CTTNBP2: variants seen among roughly 807,000 people sequenced by gnomAD.
CTTNBP2 encodes the protein cortactin binding protein 2.
In CTTNBP2, 108 loss-of-function variants were observed where a neutral mutation model predicts 156.9. That is an observed-to-expected ratio of 0.69 (90% CI 0.59 to 0.81). CTTNBP2 has a LOEUF of 0.81. CTTNBP2 is among the 30% of genes least tolerant of loss of function. The probability of loss-of-function intolerance (pLI) is 0.00; values close to 1 mark genes in which losing one functional copy is unlikely to be tolerated. For synonymous variants in CTTNBP2, 767 were observed against 751.8 expected (o/e 1.02, Z -0.33); for missense variants, 1,924 against 2,035.4 (o/e 0.95, Z 1.05).
Position 117,792,641 on chromosome 7 carries a change from G to A in CTTNBP2, c.555C>T (p.Val185=). The A allele has an allele frequency of 2.5e-6, 4 of 1,614,078 alleles. No individual in the cohort carries two copies. Among genetic ancestry groups the A allele is most frequent in the Non-Finnish European group, 3.4e-6 (4 of 1,180,024 alleles). Reference sequence around the variant, plus strand: ...CTTCGAGCTTCTGGGCCTCCTCTATGACTTTGCCTGAGAGCTGCTTGCACT... The same window carrying A: ...CTTCGAGCTTCTGGGCCTCCTCTATAACTTTGCCTGAGAGCTGCTTGCACT... ...VKECKQLSGK[V]IEEAQKLEDV... The change falls in exon 4 of 23, where the codon GTC becomes GTT. Residue 185 remains valine (V), a synonymous_variant. Transcript: ENST00000160373. This position sits in a 1 kb window ranked among gnomAD's most constrained non-coding sequence, Gnocchi z 4.2.
intron 2 of CTTNBP2, among the ~76,000 whole-genome samples, chr7:117,838,458 G>T (rs548157360): frequency 9.2e-5 from 14 of 152,244 alleles, no homozygotes; most frequent in African/African-American, 3.4e-4. Context: ...TTAGACTACA[G>T]CCAATTCTTC....
intron 14 of CTTNBP2, among the ~76,000 whole-genome samples, chr7:117,744,976 C>T (rs1796242363): frequency 6.6e-6 from 1 of 152,228 alleles, no homozygotes; most frequent in Non-Finnish European, 1.5e-5. Flanking sequence ...AATCTTACAA[C>T]TGCTTCCTTC....
intron 7 of CTTNBP2, among the ~76,000 whole-genome samples, chr7:117,779,452 T>C (rs17140420): frequency 0.027 from 4,111 of 152,238 alleles, 78 homozygotes; most frequent in Admixed American, 0.041. Context: ...TTGGAGAGAA[T>C]GGATTTCTGT....
chr7:117,793,720 A>T (rs931241382), intron 3 of CTTNBP2: 3 of 152,220 alleles, frequency 2.0e-5, no homozygotes, highest in African/African-American at 7.2e-5. Context: ...CTGTCTGTTC[A>T]CCAAGCCATA....
intron 3 of CTTNBP2, among the ~76,000 whole-genome samples, chr7:117,810,301 T>C (rs1800193761): frequency 6.6e-6 from 1 of 152,188 alleles, no homozygotes. Context: ...TCATGTTATT[T>C]TCATTTCCCC....
At chr7:117,718,864 G>A (rs969522722) in intron 21 of CTTNBP2, among the ~76,000 whole-genome samples, 9 of 152,156 alleles carry the variant, frequency 5.9e-5, no homozygotes, top group Non-Finnish European at 2.9e-5. Flanking sequence ...AATGTGGAAA[G>A]GAAAAATATC....
chr7:117,819,356 T>TTCTC (rs144262146), intron 2 of CTTNBP2, among the ~76,000 whole-genome samples: 37,417 of 126,728 alleles, frequency 0.3, 6,396 homozygotes, highest in East Asian at 0.61. Flanking sequence ...TCTTTTCTCC[T>TTCTC]TCTCTCTCTC....
At chr7:117,804,087 T>G (rs1219677886) in intron 3 of CTTNBP2, among the ~76,000 whole-genome samples, 1 of 152,100 alleles carries the variant, frequency 6.6e-6, no homozygotes, top group Non-Finnish European at 1.5e-5. Flanking sequence ...CTCAGCCTCC[T>G]GAGTAGCTAG....
At chr7:117,813,698 C>T (rs76639468) in intron 2 of CTTNBP2, among the ~76,000 whole-genome samples, 2,168 of 152,144 alleles carry the variant, frequency 0.014, 44 homozygotes, top group African/African-American at 0.048. Context: ...CTCCACTGAG[C>T]CCACCAAGAT....
In CTTNBP2 at chr7:117,810,853, G is replaced by C; in HGVS notation, c.326C>G (p.Ser109Cys). Residue 109 changes from serine (S) to cysteine (C), a missense_variant, in exon 3 of 23, where the codon TCC becomes TGC. Coordinates refer to ENST00000160373, the MANE Select transcript of CTTNBP2 (RefSeq NM_033427.3). Reference protein sequence around the residue: ...EKKPVCTNPLSILEAVMAHCK... With the variant: ...EKKPVCTNPLCILEAVMAHCK... ...GTGGGCCATGACTGCTTCAAGGATG[G>C]AGAGGGGGTTGGTACAAACTGGCTT... The C allele has an allele frequency of 6.2e-7, 1 of 1,614,086 alleles. No individual in the cohort carries two copies. The highest frequency in any genetic ancestry group is 8.5e-7 in the Non-Finnish European group (1 of 1,179,998).
chr7:117,724,787 A>G, intron 18 of CTTNBP2, 55 bp from the exon 19 acceptor site: 1 of 1,570,152 alleles, frequency 6.4e-7, no homozygotes. Flanking sequence ...TTAAAGCAAA[A>G]TACATTTCCG....
In CTTNBP2 at chr7:117,791,585, AACTCGTGCT is replaced by A. The variant is rs1229138956; in HGVS notation, c.1602_1610del (p.Ala535_Val537del). On this transcript the variant is annotated inframe_deletion, in exon 4 of 23. Transcript: ENST00000160373. ...GGATAGGAGGAGGATTTCCTCTGTCAACTCGTGCTACACCATGAGTCTTTAAACTGGTCC... is the reference window on the plus strand; with the variant it reads ...GGATAGGAGGAGGATTTCCTCTGTCAACACCATGAGTCTTTAAACTGGTCC... The A allele has an allele frequency of 3.1e-6, 5 of 1,614,130 alleles. No individual in the cohort carries two copies. The highest frequency in any genetic ancestry group is 1.7e-5 in the Admixed American group (1 of 60,018).
intron 9 of CTTNBP2, among the ~76,000 whole-genome samples, chr7:117,761,198 T>C (rs965918896): frequency 3.9e-5 from 6 of 152,198 alleles, no homozygotes; most frequent in Non-Finnish European, 2.9e-5. Flanking sequence ...TTCTTGTAAA[T>C]TGATCTCTCT....
intron 14 of CTTNBP2, among the ~76,000 whole-genome samples, chr7:117,739,358 C>T (rs1795872348): frequency 6.6e-6 from 1 of 152,130 alleles, no homozygotes; most frequent in African/African-American, 2.4e-5. Context: ...TTCCTTTTTA[C>T]CTTCGGCCAA....
chr7:117,735,332 A>G lies in CTTNBP2; in HGVS notation c.3625T>C (p.Leu1209=), dbSNP rs772762154. Residue 1209 remains leucine, a synonymous_variant, in exon 15 of 23, where the codon TTG becomes CTG. Transcript: ENST00000160373. ...NLEKSSLSEL[L]RDFLAPLENR... is the part of the protein sequence containing the mutation. ...TCAAGAGGTGCCAAAAAGTCCCTCA[A>G]TAACTCCGACAGTGAAGATTTTTCT... 1 of 1,614,066 alleles carries G rather than the reference A, an allele frequency of 6.2e-7. No homozygotes were observed. The highest frequency in any genetic ancestry group is 1.7e-5 in the Admixed American group (1 of 60,012).
At chr7:117,843,321 T>C (rs1276257732) in intron 2 of CTTNBP2, among the ~76,000 whole-genome samples, 1 of 152,114 alleles carries the variant, frequency 6.6e-6, no homozygotes, top group Non-Finnish European at 1.5e-5. Context: ...TATCAGATAT[T>C]GATAAATGTA....
chr7:117,789,692 G>A (rs1187787272), intron 4 of CTTNBP2, among the ~76,000 whole-genome samples: 1 of 152,112 alleles, frequency 6.6e-6, no homozygotes, highest in African/African-American at 2.4e-5. Context: ...TATCATTGAA[G>A]CAGTAATATC....
intron 1 of CTTNBP2, among the ~76,000 whole-genome samples, chr7:117,862,055 A>G (rs1213439729): frequency 6.6e-6 from 1 of 151,666 alleles, no homozygotes; most frequent in Non-Finnish European, 1.5e-5. Context: ...TCACCAGCAC[A>G]TACACACACA....
intron 7 of CTTNBP2, among the ~76,000 whole-genome samples, chr7:117,778,056 T>C (rs76010974): frequency 0.011 from 1,634 of 152,346 alleles, 65 homozygotes; most frequent in Admixed American, 0.077. Flanking sequence ...CTGAGCATTA[T>C]GTATGGTAAA....
Sources: allele counts gnomAD v4.1 joint callset (sites outside exome capture counted in the v4.1 genomes callset), GRCh38; gene constraint gnomAD v4.1.1; non-coding constraint Gnocchi (gnomAD v3.1); transcripts MANE v1.5; gene names NCBI Gene and HGNC (gene_info 2026-07-23, HGNC 2026-07-21).